Variants in BARX2 observed in about 807,000 individuals in gnomAD.
BARX2 encodes homeobox protein BarH-like 2.
Under a neutral mutation model 25.5 loss-of-function variants are expected in BARX2, and 11 were observed. The observed-to-expected ratio is 0.43, with a 90% confidence interval of 0.27 to 0.71. The LOEUF (loss-of-function observed/expected upper bound fraction) is 0.71. Among genes scored for constraint, BARX2 ranks in the 30% least tolerant of loss-of-function variants. BARX2 has a pLI of 0.19. For synonymous variants in BARX2, 137 were observed against 149.5 expected (o/e 0.92, Z 0.61); for missense variants, 360 against 359.9 (o/e 1.00, Z 0.00).
At chr11:129,392,134 G>A (rs1338453157) in intron 1 of BARX2, among the ~76,000 whole-genome samples, 1 of 152,206 alleles carries the variant, frequency 6.6e-6, no homozygotes, top group East Asian at 1.9e-4. Flanking sequence ...GGAACTGCCA[G>A]ACCTCTCAGG....
chr11:129,422,000 T>C (rs930646537), intron 1 of BARX2, among the ~76,000 whole-genome samples: 4 of 152,212 alleles, frequency 2.6e-5, no homozygotes, highest in African/African-American at 7.2e-5. Flanking sequence ...TGCCACTCTT[T>C]CATGAGAATC....
At chr11:129,387,074 C>T (rs138371876) in intron 1 of BARX2, among the ~76,000 whole-genome samples, 26 of 152,310 alleles carry the variant, frequency 1.7e-4, no homozygotes, top group African/African-American at 5.8e-4. Context: ...TCGCGGGTTA[C>T]GGGACAAAGT....
At chr11:129,409,042 G>A (rs1384966951) in intron 1 of BARX2, among the ~76,000 whole-genome samples, 1 of 150,932 alleles carries the variant, frequency 6.6e-6, no homozygotes, top group Admixed American at 6.6e-5. Context: ...TAGACCTTGT[G>A]GGCCAGGAGC....
chr11:129,387,769 G>A (rs1861629606), intron 1 of BARX2, among the ~76,000 whole-genome samples: 1 of 152,146 alleles, frequency 6.6e-6, no homozygotes, highest in African/African-American at 2.4e-5. Context: ...ACAATCAGGG[G>A]CTAAACAGCA....
chr11:129,429,961 C>G (rs576448171), intron 1 of BARX2, among the ~76,000 whole-genome samples: 10 of 152,272 alleles, frequency 6.6e-5, no homozygotes, highest in African/African-American at 2.4e-4. Context: ...AAAATGTGTC[C>G]CCATCTCTCT....
intron 3 of BARX2, among the ~76,000 whole-genome samples, chr11:129,445,198 CCTTCCCTGGCTGATTTTGGGCA>C (rs1480895259): frequency 6.6e-6 from 1 of 152,178 alleles, no homozygotes; most frequent in African/African-American, 2.4e-5. Context: ...CCATGCTTGC[CCTTCCCTGGCTGATTTTGGGCA>C]AGTCCCTTCA....
intron 1 of BARX2, among the ~76,000 whole-genome samples, chr11:129,425,153 G>A (rs1253328382): frequency 6.6e-6 from 1 of 152,192 alleles, no homozygotes; most frequent in Non-Finnish European, 1.5e-5. Flanking sequence ...CTGAAATCCT[G>A]ATTCCAGGTA....
At position 129,376,598 on chromosome 11, in the gene BARX2, G is replaced by C. The variant is rs776915501; in HGVS notation, c.187+376G>C. On this transcript the variant is annotated intron_variant, in intron 1 of 3. Transcript: ENST00000281437. The surrounding 1 kb of genome is among the most constrained non-coding windows in gnomAD (Gnocchi z 4.2). ...GTGAATTTCAAACTTGAGCTTGGCG[G>C]CCTTGCATCTCACCTTGAGTTAACT... Among the ~76,000 whole-genome samples, 7 of 152,228 alleles carry C rather than the reference G, an allele frequency of 4.6e-5. No individual in the cohort carries two copies. Among genetic ancestry groups the C allele is most frequent in the African/African-American group, 1.4e-4 (6 of 41,454 alleles).
chr11:129,387,544 G>A (rs1345360194), intron 1 of BARX2, among the ~76,000 whole-genome samples: 5 of 152,170 alleles, frequency 3.3e-5, no homozygotes, highest in Admixed American at 2.0e-4. Flanking sequence ...TGAAATAATT[G>A]GTAAGTTACC....
chr11:129,441,161 C>G (rs1040766163), intron 2 of BARX2, among the ~76,000 whole-genome samples: 1 of 152,168 alleles, frequency 6.6e-6, no homozygotes, highest in Admixed American at 6.5e-5. Context: ...ACTTGTCCCA[C>G]CCGGTTGTTT....
At chr11:129,423,194 G>T (rs1312712548) in intron 1 of BARX2, among the ~76,000 whole-genome samples, 1 of 149,444 alleles carries the variant, frequency 6.7e-6, no homozygotes, top group Non-Finnish European at 1.5e-5. Flanking sequence ...TCAGCTCACT[G>T]CAACCTCCGC....
chr11:129,387,660 C>T (rs1209209763), intron 1 of BARX2, among the ~76,000 whole-genome samples: 1 of 152,186 alleles, frequency 6.6e-6, no homozygotes, highest in Non-Finnish European at 1.5e-5. Flanking sequence ...CTATTGGAAG[C>T]ATGTTTTCAA....
chr11:129,401,983 T>G (rs1311404418), intron 1 of BARX2, among the ~76,000 whole-genome samples: 1 of 145,200 alleles, frequency 6.9e-6, no homozygotes. Flanking sequence ...TTCAAAGAAA[T>G]GAAGGCCAAC....
At chr11:129,450,208 G>T (rs1033809155) in intron 3 of BARX2, among the ~76,000 whole-genome samples, 2 of 152,130 alleles carry the variant, frequency 1.3e-5, no homozygotes, top group African/African-American at 4.8e-5. Context: ...TTTAAACTCT[G>T]CTGTACTACT....
chr11:129,392,536 A>T (rs1310021424), intron 1 of BARX2, among the ~76,000 whole-genome samples: 1 of 152,220 alleles, frequency 6.6e-6, no homozygotes, highest in African/African-American at 2.4e-5. Context: ...ATACACACAC[A>T]TAACAGGAAA....
intron 1 of BARX2, among the ~76,000 whole-genome samples, chr11:129,395,669 C>T (rs1238552105): frequency 6.6e-6 from 1 of 152,180 alleles, no homozygotes. Context: ...TCTCATCTCT[C>T]AGTGCTGGTC....
intron 1 of BARX2, among the ~76,000 whole-genome samples, chr11:129,395,376 A>G (rs1025811388): frequency 4.6e-5 from 7 of 152,184 alleles, no homozygotes; most frequent in African/African-American, 7.2e-5. Flanking sequence ...TGTGTCAACA[A>G]ATAATGGCAC....
At chr11:129,450,168 AG>A (rs1862379582) in intron 3 of BARX2, among the ~76,000 whole-genome samples, 1 of 152,212 alleles carries the variant, frequency 6.6e-6, no homozygotes, top group African/African-American at 2.4e-5. Flanking sequence ...AATTTAACCC[AG>A]TTTTTCTACT....
chr11:129,431,899 T>C lies in BARX2; in HGVS notation c.188-4852T>C, dbSNP rs1386672900. On this transcript the variant is annotated intron_variant, in intron 1 of 3. Coordinates refer to ENST00000281437, the MANE Select transcript of BARX2 (RefSeq NM_003658.5). ...CTAATGTTTCTTTCTAAAAATTTTA[T>C]AGGTTTGTGTTTCTACTGAAGGTCT... Among the ~76,000 whole-genome samples the C allele has an allele frequency of 3.9e-5, 6 of 152,000 alleles. No individual in the cohort carries two copies. The South Asian group carries it at 1.0e-3, about 26-fold the overall frequency.
Sources: allele counts gnomAD v4.1 joint callset (sites outside exome capture counted in the v4.1 genomes callset), GRCh38; gene constraint gnomAD v4.1.1; non-coding constraint Gnocchi (gnomAD v3.1); transcripts MANE v1.5; gene names NCBI Gene and HGNC (gene_info 2026-07-23, HGNC 2026-07-21).